DPP10: variants seen among roughly 807,000 people sequenced by gnomAD.
DPP10 encodes the protein dipeptidyl peptidase like 10, also known as inactive dipeptidyl peptidase 10.
A neutral mutation model predicts 120.9 loss-of-function variants in DPP10; 33 were observed. The ratio of observed to expected loss-of-function variants is 0.27; its 90% confidence interval spans 0.21 to 0.37. The LOEUF is 0.37. Ranked by LOEUF, DPP10 falls within the 10% of genes least tolerant of loss-of-function variation. The probability of loss-of-function intolerance (pLI) is 1.00; values close to 1 mark genes in which losing one functional copy is unlikely to be tolerated. For synonymous variants in DPP10, 337 were observed against 326.1 expected (o/e 1.03, Z -0.36); for missense variants, 816 against 942.8 (o/e 0.87, Z 1.76).
chr2:115,561,962 C>G (rs1418868063), intron 5 of DPP10, among the ~76,000 whole-genome samples: 2 of 152,164 alleles, frequency 1.3e-5, no homozygotes, highest in Non-Finnish European at 1.5e-5. Context: ...TATGCCTCAT[C>G]TCCTTCCTTT....
At chr2:115,787,318 G>A (rs534783634) in intron 17 of DPP10, among the ~76,000 whole-genome samples, 234 of 152,224 alleles carry the variant, frequency 1.5e-3, no homozygotes, top group South Asian at 4.6e-3. Flanking sequence ...AGAGATGATG[G>A]AAATCACTGG....
intron 7 of DPP10, among the ~76,000 whole-genome samples, chr2:115,715,044 A>T (rs1201536223): frequency 6.6e-6 from 1 of 150,734 alleles, no homozygotes; most frequent in African/African-American, 2.4e-5. Context: ...AAAAAAAAAA[A>T]AAAAATTATG....
intron 1 of DPP10, among the ~76,000 whole-genome samples, chr2:114,821,683 C>G (rs1686098667): frequency 6.6e-6 from 1 of 152,132 alleles, no homozygotes; most frequent in African/African-American, 2.4e-5. Flanking sequence ...GGGGTACAGG[C>G]ATTGGTTAAA....
intron 1 of DPP10, among the ~76,000 whole-genome samples, chr2:114,478,501 A>C (rs1271386417): frequency 6.6e-6 from 1 of 152,140 alleles, no homozygotes; most frequent in Admixed American, 6.5e-5. Flanking sequence ...TAAGGTTTGT[A>C]ATAAAGCAAG....
intron 3 of DPP10, among the ~76,000 whole-genome samples, chr2:115,407,084 G>A (rs750913810): frequency 1.6e-4 from 25 of 152,094 alleles, no homozygotes; most frequent in Non-Finnish European, 2.9e-4. Flanking sequence ...CTCACAGATC[G>A]AATCCCAGGT....
At chr2:115,778,235 T>G (rs79954216) in intron 15 of DPP10, among the ~76,000 whole-genome samples, 1,761 of 152,226 alleles carry the variant, frequency 0.012, 30 homozygotes, top group African/African-American at 0.04. Context: ...CAATATAATG[T>G]TGTTGTGAAC....
intron 7 of DPP10, among the ~76,000 whole-genome samples, chr2:115,700,565 A>C (rs774731529): frequency 8.5e-5 from 13 of 152,128 alleles, no homozygotes; most frequent in Non-Finnish European, 1.8e-4. Context: ...TATTCACCAC[A>C]GTACTGGAAG....
Position 114,661,035 on chromosome 2 carries a change from C to G in DPP10, c.60+218197C>G, listed in dbSNP as rs574643119. On this transcript the variant is annotated intron_variant, in intron 1 of 25. Transcript: ENST00000410059. ...AAAATCAGAATTATACAGCCACGACCTTTAAAATAAAAGACAGAATTTCAG... is the reference window on the plus strand; with the variant it reads ...AAAATCAGAATTATACAGCCACGACGTTTAAAATAAAAGACAGAATTTCAG... Among the ~76,000 whole-genome samples the G allele has an allele frequency of 2.0e-5, 3 of 152,208 alleles. 1 individual carries two copies. Among genetic ancestry groups the G allele is most frequent in the African/African-American group, 7.2e-5 (3 of 41,528 alleles).
At chr2:115,687,959 A>G (rs2091095467) in intron 5 of DPP10, among the ~76,000 whole-genome samples, 1 of 151,982 alleles carries the variant, frequency 6.6e-6, no homozygotes, top group African/African-American at 2.4e-5. Flanking sequence ...ATCATGACAT[A>G]TTTGTCTTCT....
intron 19 of DPP10, among the ~76,000 whole-genome samples, chr2:115,799,050 TA>T (rs1475543735): frequency 6.6e-6 from 1 of 152,086 alleles, no homozygotes; most frequent in African/African-American, 2.4e-5. Flanking sequence ...CAACTCACCC[TA>T]AAAAAGTGCT....
At chr2:115,185,751 G>T (rs2054392029) in intron 1 of DPP10, among the ~76,000 whole-genome samples, 1 of 152,136 alleles carries the variant, frequency 6.6e-6, no homozygotes, top group African/African-American at 2.4e-5. Context: ...ATTCAGTGTG[G>T]CAGGAACTCC....
At chr2:114,584,520 T>C (rs1326201672) in intron 1 of DPP10, among the ~76,000 whole-genome samples, 1 of 150,120 alleles carries the variant, frequency 6.7e-6, no homozygotes, top group African/African-American at 2.4e-5. Flanking sequence ...GCATTAGGTA[T>C]ATCTCCTAAT....
intron 1 of DPP10, among the ~76,000 whole-genome samples, chr2:115,176,324 C>G (rs1342590283): frequency 6.8e-6 from 1 of 146,628 alleles, no homozygotes; most frequent in Non-Finnish European, 1.5e-5. Flanking sequence ...TATATATAAA[C>G]ATTTTATATT....
At chr2:115,754,104 C>T (rs1006615631) in intron 11 of DPP10, among the ~76,000 whole-genome samples, 1 of 152,064 alleles carries the variant, frequency 6.6e-6, no homozygotes, top group African/African-American at 2.4e-5. Context: ...CAAAATCAAC[C>T]TTGCTATGAC....
chr2:115,656,719 A>C (rs925641876), intron 5 of DPP10, among the ~76,000 whole-genome samples: 1 of 151,688 alleles, frequency 6.6e-6, no homozygotes, highest in African/African-American at 2.4e-5. Flanking sequence ...CCAGCGGGAG[A>C]AAGTCACCAT....
intron 1 of DPP10, among the ~76,000 whole-genome samples, chr2:114,775,050 T>C (rs1378661667): frequency 6.6e-6 from 1 of 152,074 alleles, no homozygotes; most frequent in African/African-American, 2.4e-5. Context: ...GAGATGGAAT[T>C]TGACCTCAGC....
At position 115,435,591 on chromosome 2, in the gene DPP10, T is replaced by C. The variant is rs192664908; in HGVS notation, c.272-63919T>C. ...AGTTGTTTGAGTTCCTTATATATTC[T>C]GATTATTAATGCCTTATTGTTTGGA... On this transcript the variant is annotated intron_variant, in intron 3 of 25. Transcript: ENST00000410059. Among the ~76,000 whole-genome samples, 3 of 152,078 alleles carry C rather than the reference T, an allele frequency of 2.0e-5. No individual in the cohort carries two copies. In the East Asian group the frequency reaches 5.8e-4, roughly 29 times the overall value.
chr2:114,778,431 A>T (rs1047127225), intron 1 of DPP10, among the ~76,000 whole-genome samples: 1 of 152,134 alleles, frequency 6.6e-6, no homozygotes, highest in Non-Finnish European at 1.5e-5. Context: ...TTTCTATAAT[A>T]GCTTCACATT....
intron 1 of DPP10, among the ~76,000 whole-genome samples, chr2:115,299,185 T>G (rs1006896462): frequency 6.6e-6 from 1 of 152,052 alleles, no homozygotes; most frequent in Non-Finnish European, 1.5e-5. Context: ...CCGTGTATTC[T>G]GTTCCTAACA....
Sources: allele counts gnomAD v4.1 joint callset (sites outside exome capture counted in the v4.1 genomes callset), GRCh38; gene constraint gnomAD v4.1.1; transcripts MANE v1.5; gene names NCBI Gene and HGNC (gene_info 2026-07-23, HGNC 2026-07-21).